MAN1C1: variants seen among roughly 807,000 people sequenced by gnomAD.
The protein encoded by MAN1C1 is mannosidase alpha class 1C member 1.
MAN1C1 carries 49 observed loss-of-function variants against 71.5 expected under a neutral mutation model. The observed-to-expected ratio is 0.69, with a 90% CI of 0.54 to 0.87. MAN1C1 has a LOEUF of 0.87. MAN1C1 is among the 40% of genes least tolerant of loss of function. The probability of loss-of-function intolerance (pLI) is 0.00; values close to 1 mark genes in which losing one functional copy is unlikely to be tolerated. For synonymous variants in MAN1C1, 352 were observed against 343.7 expected, an observed-to-expected ratio of 1.02 and a Z score of -0.27; for missense variants, 743 against 835.0, an observed-to-expected ratio of 0.89 and a Z score of 1.36.
At chr1:25,771,194 A>G (rs547174963) in intron 7 of MAN1C1, among the ~76,000 whole-genome samples, 2 of 152,176 alleles carry the variant, frequency 1.3e-5, no homozygotes, top group Non-Finnish European at 2.9e-5. Flanking sequence ...GAGTGGCTCT[A>G]CTTGAGGGCT....
chr1:25,763,400 C>T (rs1044372457), intron 6 of MAN1C1, among the ~76,000 whole-genome samples: 15 of 142,714 alleles, frequency 1.1e-4, no homozygotes, highest in African/African-American at 3.8e-4. Context: ...GAGGCACGAA[C>T]ATTGCTTGAA....
chr1:25,663,832 A>G (rs1380526756), intron 1 of MAN1C1, among the ~76,000 whole-genome samples: 1 of 152,198 alleles, frequency 6.6e-6, no homozygotes, highest in Non-Finnish European at 1.5e-5. Flanking sequence ...TTCTCCCCAT[A>G]CCCAGGAGGC....
At chr1:25,676,352 G>A (rs2124148001) in intron 1 of MAN1C1, among the ~76,000 whole-genome samples, 1 of 152,156 alleles carries the variant, frequency 6.6e-6, no homozygotes, top group African/African-American at 2.4e-5. Flanking sequence ...CACCTCCCCG[G>A]GCAACCAAAC....
Position 25,769,158 on chromosome 1 carries a change from C to CCA in MAN1C1, c.1142-2489_1142-2488dup, listed in dbSNP as rs754680985. Among the ~76,000 whole-genome samples the CCA allele has an allele frequency of 6.7e-6, 1 of 149,806 alleles. No homozygotes were observed. Among genetic ancestry groups the CCA allele is most frequent in the African/African-American group, 2.5e-5 (1 of 40,550 alleles). ...ACACTACACACTCCCCTCACACATTCCACACACACACCCCACACATTACAC... is the reference window on the plus strand; with the variant it reads ...ACACTACACACTCCCCTCACACATTCCACACACACACACCCCACACATTACAC... On this transcript the variant is annotated intron_variant, in intron 7 of 11. Coordinates refer to ENST00000374332, the MANE Select transcript of MAN1C1 (RefSeq NM_020379.4). The surrounding 1 kb of genome is among the most constrained non-coding windows in gnomAD (Gnocchi z 4.8).
chr1:25,668,691 G>A (rs931497400), intron 1 of MAN1C1, among the ~76,000 whole-genome samples: 3 of 151,942 alleles, frequency 2.0e-5, no homozygotes, highest in African/African-American at 7.3e-5. Context: ...GAGTAGCTGG[G>A]ACTACAGACG....
chr1:25,771,758 T>G lies in MAN1C1; in HGVS notation c.1243T>G (p.Tyr415Asp). Residue 415 changes from tyrosine to aspartate, a missense_variant, in exon 8 of 12, where the codon TAC (tyrosine) becomes GAC (aspartate). Tyr to Asp is a radical substitution (Grantham distance 160). Transcript: ENST00000374332. ...KTDMEAKNMY[Y>D]EALEAIETYL... The stretch of plus-strand genomic sequence containing the variant: ...AGATATGGAGGCTAAAAATATGTAC[T>G]ACGAAGCCTTGGAGGTAAGACAAGC... 14 of 1,613,236 alleles carry G rather than the reference T, an allele frequency of 8.7e-6. No individual in the cohort carries two copies. The highest frequency in any genetic ancestry group is 1.1e-5 in the Non-Finnish European group (13 of 1,179,262).
At chr1:25,662,482 C>T (rs1354117758) in intron 1 of MAN1C1, among the ~76,000 whole-genome samples, 2 of 152,198 alleles carry the variant, frequency 1.3e-5, no homozygotes, top group East Asian at 3.8e-4. Context: ...TGATTCTTAA[C>T]ATTTTCTCGT....
chr1:25,717,575 C>CTT (rs1023005252), intron 2 of MAN1C1, among the ~76,000 whole-genome samples: 25 of 135,556 alleles, frequency 1.8e-4, no homozygotes, highest in African/African-American at 3.6e-4. Context: ...TACCATTTTC[C>CTT]TTTTTTTTTT....
chr1:25,664,001 G>C (rs1053427828), intron 1 of MAN1C1, among the ~76,000 whole-genome samples: 1 of 152,200 alleles, frequency 6.6e-6, no homozygotes, highest in South Asian at 2.1e-4. Context: ...CCTGAGGCTG[G>C]TAGGGTTCTT....
At chr1:25,709,373 T>A (rs562517794) in intron 2 of MAN1C1, among the ~76,000 whole-genome samples, 1 of 152,334 alleles carries the variant, frequency 6.6e-6, no homozygotes, top group South Asian at 2.1e-4. Flanking sequence ...AATGCTGGCA[T>A]GTAGTAGGTA....
rs759906441 is a variant in MAN1C1 at position 25,617,873 on chromosome 1, C to T, written c.76C>T (p.Leu26Phe). 48 of 1,608,810 alleles carry T rather than the reference C, an allele frequency of 3.0e-5. No individual in the cohort carries two copies. The highest frequency in any genetic ancestry group is 4.1e-5 in the Non-Finnish European group (48 of 1,178,332). ...GCGGCTGCCGCAGAAGTTCCTCTTC[C>T]TCCTCTTCCTCTCGGGCCTGGTCAC... ...GLRLPQKFLF[L>F]LFLSGLVTLC... Residue 26 changes from leucine to phenylalanine, a missense_variant, in exon 1 of 12, where the codon CTC (leucine) becomes TTC (phenylalanine). Physicochemically the swap from Leu to Phe is conservative, Grantham distance 22. Coordinates refer to ENST00000374332, the MANE Select transcript of MAN1C1 (RefSeq NM_020379.4). The surrounding 1 kb of genome is among the most constrained non-coding windows in gnomAD (Gnocchi z 5.1).
chr1:25,783,299 T>C (rs1236315328), intron 11 of MAN1C1, among the ~76,000 whole-genome samples: 1 of 151,854 alleles, frequency 6.6e-6, no homozygotes, highest in Non-Finnish European at 1.5e-5. Context: ...GAATATAGAG[T>C]CTTAGTGGGC....
chr1:25,632,865 A>ATTTTTTT (rs33924292), intron 1 of MAN1C1, among the ~76,000 whole-genome samples: 5 of 113,102 alleles, frequency 4.4e-5, no homozygotes, highest in Non-Finnish European at 8.8e-5. Context: ...TACAATTTTG[A>ATTTTTTT]TTTTTTTTTT....
chr1:25,773,898 G>T (rs1168095465), intron 8 of MAN1C1, among the ~76,000 whole-genome samples: 1 of 152,168 alleles, frequency 6.6e-6, no homozygotes, highest in East Asian at 1.9e-4. Context: ...CAACCTTGTT[G>T]CCATGTTAAA....
At chr1:25,722,361 C>T (rs2046777914) in intron 2 of MAN1C1, among the ~76,000 whole-genome samples, 1 of 152,142 alleles carries the variant, frequency 6.6e-6, no homozygotes, top group Admixed American at 6.6e-5. Context: ...TTGATTATTT[C>T]CTTCCACCGA....
In MAN1C1 at chr1:25,624,741, T is replaced by A. The variant is rs2045267395; in HGVS notation, c.540+6404T>A. On this transcript the variant is annotated intron_variant, in intron 1 of 11. Transcript: ENST00000374332. Reference sequence around the variant, plus strand: ...TTTCAATGGCCAAATAAAAGGAAGTTTTTCTCTCCTCCTTCCACCTCTGCC... The same window carrying A: ...TTTCAATGGCCAAATAAAAGGAAGTATTTCTCTCCTCCTTCCACCTCTGCC... 2.0e-5 allele frequency among the ~76,000 whole-genome samples: 3 copies of A among 152,082 alleles called. No individual in the cohort carries two copies. In the South Asian group the frequency reaches 6.2e-4, roughly 32 times the overall value.
At chr1:25,650,403 AC>A (rs2045675369) in intron 1 of MAN1C1, among the ~76,000 whole-genome samples, 1 of 152,196 alleles carries the variant, frequency 6.6e-6, no homozygotes, top group African/African-American at 2.4e-5. Context: ...ATTACCAAAT[AC>A]AGTGTCCAGT....
At chr1:25,695,637 C>T (rs1005043758) in intron 2 of MAN1C1, among the ~76,000 whole-genome samples, 4 of 152,250 alleles carry the variant, frequency 2.6e-5, no homozygotes, top group Non-Finnish European at 5.9e-5. Flanking sequence ...CGCTTTCCTT[C>T]TTCAAAGAGT....
At chr1:25,668,466 G>C (rs2045952440) in intron 1 of MAN1C1, among the ~76,000 whole-genome samples, 1 of 152,214 alleles carries the variant, frequency 6.6e-6, no homozygotes, top group South Asian at 2.1e-4. Context: ...TGGATGTCAG[G>C]TGGGGAGAGG....
Sources: allele counts gnomAD v4.1 joint callset (sites outside exome capture counted in the v4.1 genomes callset), GRCh38; gene constraint gnomAD v4.1.1; non-coding constraint Gnocchi (gnomAD v3.1); transcripts MANE v1.5; gene names NCBI Gene and HGNC (gene_info 2026-07-23, HGNC 2026-07-21).